The following PCDHGA5 variants were observed in gnomAD, a reference collection of about 807,000 sequenced individuals.
PCDHGA5 encodes protocadherin gamma subfamily A, 5, also known as protocadherin gamma-A5.
A neutral mutation model predicts 56.7 loss-of-function variants in PCDHGA5; 36 were observed. That is an observed-to-expected ratio of 0.64 (90% confidence interval 0.49 to 0.84). The LOEUF is 0.84. PCDHGA5 is among the 40% of genes least tolerant of loss of function. PCDHGA5 has a pLI of 0.00. For synonymous variants in PCDHGA5, 563 were observed against 520.2 expected, an observed-to-expected ratio of 1.08 and a Z score of -1.12; for missense variants, 1,305 against 1,201.5, an observed-to-expected ratio of 1.09 and a Z score of -1.27.
intron 1 of PCDHGA5, chr5:141,415,641 T>TAA (rs113784532): frequency 8.4e-5 from 108 of 1,280,644 alleles, no homozygotes; most frequent in African/African-American, 8.0e-4. Flanking sequence ...TTACTTTTGT[T>TAA]AAAAAAAAAA....
In PCDHGA5 at chr5:141,374,581, C is replaced by A; in HGVS notation, c.2421+7830C>A. On this transcript the variant is annotated intron_variant, in intron 1 of 3. Transcript: ENST00000518069. ...ATGACCCTGATGTGGGAATGAACTC[C>A]CTTCAGGGATTTAAGCTCAGTGGTA... The A allele has an allele frequency of 1.9e-6, 3 of 1,613,660 alleles. No homozygotes were observed. In the East Asian group the frequency reaches 6.7e-5, roughly 36 times the overall value.
intron 1 of PCDHGA5, chr5:141,478,874 A>G: frequency 1.6e-6 from 2 of 1,276,696 alleles, no homozygotes; most frequent in Non-Finnish European, 2.1e-6. Flanking sequence ...ATCAGAGTTT[A>G]GCTTGGTATC....
At chr5:141,413,080 A>G (rs2095603656) in intron 1 of PCDHGA5, 3 of 1,298,546 alleles carry the variant, frequency 2.3e-6, no homozygotes, top group Non-Finnish European at 3.2e-6. Context: ...TGCCCAGGCT[A>G]CAGAGACACC....
chr5:141,372,799 A>G (rs1769080872), intron 1 of PCDHGA5: 7 of 1,596,852 alleles, frequency 4.4e-6, no homozygotes, highest in Non-Finnish European at 5.1e-6. Flanking sequence ...AATTCAGGCA[A>G]TTTGCAAAAG....
At chr5:141,416,497 T>G (rs1426816820) in intron 1 of PCDHGA5, 3 of 152,116 alleles carry the variant, frequency 2.0e-5, no homozygotes, top group Non-Finnish European at 4.4e-5. Context: ...GAGCAAGAGA[T>G]ATATGACAAA....
At chr5:141,433,662 C>T (rs1377052782) in intron 1 of PCDHGA5, among the ~76,000 whole-genome samples, 1 of 151,950 alleles carries the variant, frequency 6.6e-6, no homozygotes, top group Non-Finnish European at 1.5e-5. Context: ...ATGGAGAAAC[C>T]CCGTCTATAC....
chr5:141,421,507 G>A lies in PCDHGA5; in HGVS notation c.2421+54756G>A, dbSNP rs758920296. On this transcript the variant is annotated intron_variant, in intron 1 of 3. Coordinates refer to ENST00000518069, the MANE Select transcript of PCDHGA5 (RefSeq NM_018918.3). ...GATCACGGCAGGCAGGATAGACCGG[G>A]AGGAGCTCTGTGAGACGGTGTCCTC... The A allele has an allele frequency of 6.8e-6, 11 of 1,614,070 alleles. No homozygotes were observed. The South Asian group carries it at 1.2e-4, about 18-fold the overall frequency.
At chr5:141,469,079 C>T (rs1169035651) in intron 1 of PCDHGA5, among the ~76,000 whole-genome samples, 1 of 151,492 alleles carries the variant, frequency 6.6e-6, no homozygotes, top group Non-Finnish European at 1.5e-5. Context: ...GAGTTTGAGA[C>T]CATTCTAGGC....
At chr5:141,478,143 A>G (rs759384540) in intron 1 of PCDHGA5, 72 of 1,614,014 alleles carry the variant, frequency 4.5e-5, no homozygotes, top group Middle Eastern at 3.3e-4. Context: ...GCCCGAGCCG[A>G]GTTCCCCTCT....
intron 1 of PCDHGA5, chr5:141,410,254 C>T: frequency 3.1e-6 from 5 of 1,614,020 alleles, no homozygotes; most frequent in Non-Finnish European, 3.4e-6. Flanking sequence ...TCTCTGACCC[C>T]CAGGCTGAAC....
At position 141,389,844 on chromosome 5, in the gene PCDHGA5, G is replaced by A. The variant is rs558691778; in HGVS notation, c.2421+23093G>A. 80 of 1,614,014 alleles carry A rather than the reference G, an allele frequency of 5.0e-5. No homozygotes were observed. The Admixed American group carries it at 1.3e-3, about 27-fold the overall frequency. On this transcript the variant is annotated intron_variant, in intron 1 of 3. Coordinates refer to ENST00000518069, the MANE Select transcript of PCDHGA5 (RefSeq NM_018918.3). ...TGACGGTGGACAGCCACCACTCTCGGCCACTGCCACGTTGCACCTGGTCTT... is the reference window on the plus strand; with the variant it reads ...TGACGGTGGACAGCCACCACTCTCGACCACTGCCACGTTGCACCTGGTCTT...
At chr5:141,421,185 C>T in intron 1 of PCDHGA5, 1 of 1,463,494 alleles carries the variant, frequency 6.8e-7, no homozygotes, top group Non-Finnish European at 9.1e-7. Flanking sequence ...GATTCACAAC[C>T]AACCAGCTCG....
At chr5:141,386,290 A>T (rs2090519757) in intron 1 of PCDHGA5, among the ~76,000 whole-genome samples, 1 of 152,214 alleles carries the variant, frequency 6.6e-6, no homozygotes, top group African/African-American at 2.4e-5. Flanking sequence ...TTTGTATAAC[A>T]TTTTAGTAAA....
Position 141,364,478 on chromosome 5 carries a change from A to G in PCDHGA5, c.148A>G (p.Lys50Glu), listed in dbSNP as rs1225637792. The G allele has an allele frequency of 6.2e-7, 1 of 1,613,934 alleles. No individual in the cohort carries two copies. The highest frequency in any genetic ancestry group is 8.5e-7 in the Non-Finnish European group (1 of 1,179,914). The change falls in exon 1 of 4, where the codon AAG (lysine) becomes GAG (glutamate). Residue 50 changes from lysine to glutamate, a missense_variant. Transcript: ENST00000518069. ...DKGSFVGNIAKDLGLEPQELA... is the reference protein window; with the variant it reads ...DKGSFVGNIAEDLGLEPQELA... ...AGGCTCCTTCGTCGGCAACATAGCC[A>G]AGGACCTTGGGCTGGAGCCCCAGGA...
At chr5:141,375,457 A>T in intron 1 of PCDHGA5, 1 of 1,613,816 alleles carries the variant, frequency 6.2e-7, no homozygotes, top group East Asian at 2.2e-5. Flanking sequence ...CATCCTACTC[A>T]GTCTATGTCC....
chr5:141,394,489 C>T (rs989814835), intron 1 of PCDHGA5: 5 of 1,614,122 alleles, frequency 3.1e-6, no homozygotes, highest in Non-Finnish European at 4.2e-6. Context: ...AATGACAACG[C>T]GCCCGAGATC....
intron 2 of PCDHGA5, among the ~76,000 whole-genome samples, chr5:141,501,333 A>ACACC (rs1186649373): frequency 5.5e-4 from 77 of 140,128 alleles, no homozygotes; most frequent in African/African-American, 6.0e-4. Context: ...ACACACACAC[A>ACACC]CCCCAAACTC....
intron 1 of PCDHGA5, among the ~76,000 whole-genome samples, chr5:141,454,357 TAGAA>T (rs758087339): frequency 3.5e-4 from 54 of 152,354 alleles, no homozygotes; most frequent in Non-Finnish European, 6.3e-4. Context: ...GATCCAAACT[TAGAA>T]AGGAGTATGG....
chr5:141,510,834 G>T, intron 3 of PCDHGA5, 113 bp from the exon 4 acceptor site: 1 of 1,581,880 alleles, frequency 6.3e-7, no homozygotes. Flanking sequence ...AGTGCTCAGC[G>T]TGGTCAAGGC....
Sources: gnomAD v4.1 joint callset for allele counts (sites outside exome capture counted in the v4.1 genomes callset) on GRCh38, gnomAD v4.1.1 for gene constraint, MANE v1.5 for transcripts, NCBI Gene and HGNC (gene_info 2026-07-23, HGNC 2026-07-21) for gene names.